Variants in CNTN5 observed in about 807,000 individuals in gnomAD.
CNTN5 encodes contactin 5.
CNTN5 carries 77 observed loss-of-function variants against 129.1 expected under a neutral mutation model. The ratio of observed to expected loss-of-function variants is 0.60; its 90% CI spans 0.50 to 0.72. The LOEUF (loss-of-function observed/expected upper bound fraction) is 0.72, where lower values mean the gene tolerates loss of function less well. Among genes scored for constraint, CNTN5 ranks in the 30% least tolerant of loss-of-function variants. The probability of loss-of-function intolerance (pLI) is 0.00; values close to 1 mark genes in which losing one functional copy is unlikely to be tolerated. For missense variants in CNTN5, 1,478 were observed against 1,328.8 expected, an observed-to-expected ratio of 1.11 and a Z score of -1.75; for synonymous variants, 509 against 465.6, an observed-to-expected ratio of 1.09 and a Z score of -1.20.
intron 1 of CNTN5, among the ~76,000 whole-genome samples, chr11:99,112,759 A>T (rs1385950509): frequency 6.6e-6 from 1 of 152,010 alleles, no homozygotes; most frequent in African/African-American, 2.4e-5. Context: ...TTTTTACACT[A>T]AGTAAAAAAT....
chr11:99,196,199 C>T (rs1009072333), intron 1 of CNTN5, among the ~76,000 whole-genome samples: 7 of 151,234 alleles, frequency 4.6e-5, no homozygotes, highest in Admixed American at 1.3e-4. Context: ...AATAATTAAA[C>T]AACAATCTGT....
intron 3 of CNTN5, among the ~76,000 whole-genome samples, chr11:99,633,245 A>G (rs1951429387): frequency 6.6e-6 from 1 of 152,190 alleles, no homozygotes; most frequent in African/African-American, 2.4e-5. Context: ...TCAATTTGTC[A>G]TATCTGATGA....
chr11:99,800,173 A>C (rs1946069961), intron 3 of CNTN5, among the ~76,000 whole-genome samples: 1 of 151,820 alleles, frequency 6.6e-6, no homozygotes, highest in African/African-American at 2.4e-5. Flanking sequence ...CAGTGTTTTC[A>C]TTTATTTCAT....
intron 13 of CNTN5, among the ~76,000 whole-genome samples, chr11:100,115,426 T>G (rs1312279798): frequency 1.3e-5 from 2 of 152,094 alleles, no homozygotes; most frequent in Admixed American, 6.6e-5. Flanking sequence ...AAACAAAACT[T>G]GATGTAATAA....
chr11:99,287,922 A>T (rs984588767), intron 1 of CNTN5, among the ~76,000 whole-genome samples: 2 of 151,942 alleles, frequency 1.3e-5, no homozygotes, highest in Non-Finnish European at 2.9e-5. Flanking sequence ...GAGGAATAGG[A>T]GTAGGAGGAT....
intron 1 of CNTN5, among the ~76,000 whole-genome samples, chr11:99,044,260 C>T (rs1035255613): frequency 3.9e-5 from 6 of 152,104 alleles, no homozygotes; most frequent in Non-Finnish European, 7.4e-5. Context: ...ACTAAGCTAA[C>T]AAAATTCTAT....
rs770625928 is a variant in CNTN5 at position 100,070,571 on chromosome 11, G to A, written c.1299+11G>A. The A allele has an allele frequency of 1.2e-6, 2 of 1,612,276 alleles. No homozygotes were observed. Among genetic ancestry groups the A allele is most frequent in the South Asian group, 1.1e-5 (1 of 90,928 alleles). On this transcript the variant is annotated intron_variant, in intron 11 of 24. Transcript: ENST00000524871. ...CCCCTCTCACCTCAGGTACTGTTGGGAGTTATTAACCTGTTCTGCTGTAAT... is the reference window on the plus strand; with the variant it reads ...CCCCTCTCACCTCAGGTACTGTTGGAAGTTATTAACCTGTTCTGCTGTAAT...
Position 100,019,364 on chromosome 11 carries a change from A to G in CNTN5, c.980+17228A>G, listed in dbSNP as rs143165408. On this transcript the variant is annotated intron_variant, in intron 9 of 24. Transcript: ENST00000524871. ...AGTTCATTATTTTCAATGAATATCA[A>G]ACTTGGTCATCACCATTCTACTCTC... Among the ~76,000 whole-genome samples, 3 of 152,036 alleles carry G rather than the reference A, an allele frequency of 2.0e-5. No homozygotes were observed. In the South Asian group the frequency reaches 6.2e-4, roughly 32 times the overall value.
chr11:99,616,682 G>A (rs1756157430), intron 3 of CNTN5, among the ~76,000 whole-genome samples: 1 of 152,168 alleles, frequency 6.6e-6, no homozygotes. Flanking sequence ...AGAATTTGGG[G>A]AAAGAATGTG....
intron 3 of CNTN5, among the ~76,000 whole-genome samples, chr11:99,689,935 T>G (rs370484116): frequency 1.0e-3 from 153 of 152,322 alleles, no homozygotes; most frequent in African/African-American, 3.5e-3. Context: ...TTAGTTTAAT[T>G]AGATCCCATT....
intron 6 of CNTN5, among the ~76,000 whole-genome samples, chr11:99,895,848 C>A (rs1284897209): frequency 6.6e-6 from 1 of 152,142 alleles, no homozygotes; most frequent in Admixed American, 6.5e-5. Context: ...GCAGCCACTG[C>A]CCCACTGAGA....
At chr11:100,158,709 G>A (rs993293437) in intron 13 of CNTN5, among the ~76,000 whole-genome samples, 2 of 151,782 alleles carry the variant, frequency 1.3e-5, no homozygotes, top group African/African-American at 4.8e-5. Flanking sequence ...AAGTTATAAT[G>A]GAACAAGGGG....
At chr11:99,486,051 T>C (rs527915838) in intron 2 of CNTN5, among the ~76,000 whole-genome samples, 1 of 152,206 alleles carries the variant, frequency 6.6e-6, no homozygotes, top group South Asian at 2.1e-4. Flanking sequence ...TATTTTCTCT[T>C]TCCCAGAGAG....
rs1565528297 is a variant in CNTN5 at position 99,784,795 on chromosome 11, G to GGTTTT, written c.56-34749_56-34748insGTTTT. On this transcript the variant is annotated intron_variant, in intron 3 of 24. Coordinates refer to ENST00000524871, the MANE Select transcript of CNTN5 (RefSeq NM_014361.4). ...CTGGTGTGAGATGGTATCTCATTGT[G>GGTTTT]TTTTTTTTTTTTTTTTTTTTTTGAG... is the stretch of plus-strand genomic sequence containing the variant. Among the ~76,000 whole-genome samples, 4 of 93,928 alleles carry GGTTTT rather than the reference G, an allele frequency of 4.3e-5. 1 individual carries two copies. Among genetic ancestry groups the GGTTTT allele is most frequent in the Non-Finnish European group, 6.2e-5 (3 of 48,420 alleles). 61.6% of individuals were successfully genotyped at this position (93,928 alleles called of 152,430 possible).
chr11:100,124,889 T>A (rs538410207), intron 13 of CNTN5, among the ~76,000 whole-genome samples: 6 of 152,246 alleles, frequency 3.9e-5, no homozygotes, highest in Admixed American at 3.9e-4. Flanking sequence ...ATAGTTCTTA[T>A]GCTTTAAGCC....
intron 13 of CNTN5, among the ~76,000 whole-genome samples, chr11:100,081,783 A>G (rs938116968): frequency 1.3e-5 from 2 of 152,216 alleles, no homozygotes; most frequent in Admixed American, 6.5e-5. Context: ...TAAGGACTAG[A>G]AAATGGAAAT....
intron 23 of CNTN5, among the ~76,000 whole-genome samples, chr11:100,344,942 A>G (rs753403330): frequency 4.6e-5 from 7 of 152,158 alleles, no homozygotes; most frequent in Admixed American, 3.3e-4. Context: ...ACTATAAAAA[A>G]TATATCAGTA....
intron 2 of CNTN5, among the ~76,000 whole-genome samples, chr11:99,427,134 A>G (rs1232338641): frequency 6.6e-6 from 1 of 152,194 alleles, no homozygotes; most frequent in Non-Finnish European, 1.5e-5. Context: ...CCTGCAAGTC[A>G]AAACTATTGA....
intron 2 of CNTN5, among the ~76,000 whole-genome samples, chr11:99,386,581 C>G (rs145942748): frequency 6.6e-6 from 1 of 152,104 alleles, no homozygotes; most frequent in Non-Finnish European, 1.5e-5. Flanking sequence ...TTTAATGCAA[C>G]CTGTTTTATC....
Sources: allele counts gnomAD v4.1 joint callset (sites outside exome capture counted in the v4.1 genomes callset), GRCh38; gene constraint gnomAD v4.1.1; transcripts MANE v1.5; gene names NCBI Gene and HGNC (gene_info 2026-07-23, HGNC 2026-07-21).